Variants in ERCC6L2 observed in about 807,000 individuals in gnomAD.
ERCC6L2 encodes ERCC excision repair 6 like 2, also known as DNA excision repair protein ERCC-6-like 2.
A neutral mutation model predicts 132.0 loss-of-function variants in ERCC6L2; 77 were observed. The observed-to-expected ratio is 0.58, with a 90% CI of 0.49 to 0.71. The LOEUF (loss-of-function observed/expected upper bound fraction) is 0.71. Among genes scored for constraint, ERCC6L2 ranks in the 30% least tolerant of loss-of-function variants. The probability of loss-of-function intolerance (pLI) is 0.00; values close to 1 mark genes in which losing one functional copy is unlikely to be tolerated. For missense variants in ERCC6L2, 1,542 were observed against 1,837.6 expected (o/e 0.84, Z 2.94); for synonymous variants, 583 against 632.4 (o/e 0.92, Z 1.17).
At chr9:95,877,062 C>T (rs1224220901) in intron 1 of ERCC6L2, 1 of 152,160 alleles carries the variant, frequency 6.6e-6, no homozygotes, top group Non-Finnish European at 1.5e-5. Context: ...TTGAGGAGGC[C>T]TTTGGAGTGA....
intron 3 of ERCC6L2, among the ~76,000 whole-genome samples, chr9:95,905,397 C>A (rs972677931): frequency 1.3e-5 from 2 of 152,156 alleles, no homozygotes; most frequent in African/African-American, 2.4e-5. Flanking sequence ...TTTTAAACAT[C>A]TTCTGGAATC....
At chr9:95,892,879 C>G (rs575375341) in intron 2 of ERCC6L2, among the ~76,000 whole-genome samples, 53 of 152,250 alleles carry the variant, frequency 3.5e-4, no homozygotes, top group Non-Finnish European at 7.1e-4. Flanking sequence ...TTTATTCATT[C>G]TGACAATCTC....
intron 6 of ERCC6L2, among the ~76,000 whole-genome samples, chr9:95,919,902 C>A (rs1213859749): frequency 6.6e-6 from 1 of 152,138 alleles, no homozygotes; most frequent in Admixed American, 6.5e-5. Flanking sequence ...TGACTTGATG[C>A]AGATAAGTGC....
chr9:95,896,653 G>C (rs1828482677), intron 2 of ERCC6L2, among the ~76,000 whole-genome samples: 1 of 151,874 alleles, frequency 6.6e-6, no homozygotes, highest in South Asian at 2.1e-4. Flanking sequence ...CAAATTCCTG[G>C]GCTAAAATGA....
intron 4 of ERCC6L2, among the ~76,000 whole-genome samples, chr9:95,909,942 T>C (rs879387908): frequency 3.3e-5 from 5 of 152,202 alleles, no homozygotes; most frequent in Non-Finnish European, 7.4e-5. Flanking sequence ...CAACGTTTGG[T>C]ATTGTCAGTC....
At chr9:95,907,019 A>G (rs1829072278) in intron 3 of ERCC6L2, 59 bp from the exon 4 acceptor site, 2 of 1,208,990 alleles carry the variant, frequency 1.7e-6, no homozygotes, top group Admixed American at 4.4e-5. Context: ...TGTGGATTTC[A>G]CTTTGGGATT....
downstream of ERCC6L2, among the ~76,000 whole-genome samples, chr9:96,019,369 G>T (rs550087702): frequency 6.6e-6 from 1 of 152,140 alleles, no homozygotes; most frequent in South Asian, 2.1e-4. Flanking sequence ...CCCAGCACCC[G>T]CATTGTGCTC....
chr9:95,937,509 A>G (rs950590418), intron 11 of ERCC6L2, among the ~76,000 whole-genome samples: 1 of 152,108 alleles, frequency 6.6e-6, no homozygotes, highest in Non-Finnish European at 1.5e-5. Context: ...TGAAAATAAC[A>G]TACTCAATTT....
At chr9:96,027,022 TACCCCACACACATACCCACC>T (rs1467170827) in intron 19 of ERCC6L2, among the ~76,000 whole-genome samples, 1 of 72,514 alleles carries the variant, frequency 1.4e-5, no homozygotes, top group South Asian at 4.7e-4. Context: ...ACACACCACA[TACCCCACACACATACCCACC>T]ACCCCACACA....
intron 12 of ERCC6L2, among the ~76,000 whole-genome samples, chr9:95,943,734 C>G (rs4743417): frequency 0.16 from 24,415 of 152,122 alleles, 2,087 homozygotes; most frequent in South Asian, 0.28. Flanking sequence ...TATAAGTGGC[C>G]ATTAAGCACA....
chr9:95,963,363 G>A (rs1430817093), intron 13 of ERCC6L2, among the ~76,000 whole-genome samples: 1 of 151,802 alleles, frequency 6.6e-6, no homozygotes, highest in African/African-American at 2.4e-5. Context: ...CTTCTCATCA[G>A]TATGTATTTC....
intron 3 of ERCC6L2, among the ~76,000 whole-genome samples, chr9:95,903,595 T>C (rs548601501): frequency 6.6e-6 from 1 of 151,826 alleles, no homozygotes; most frequent in South Asian, 2.1e-4. Flanking sequence ...TATCAAGTTT[T>C]GGCATAATGC....
In ERCC6L2 at chr9:95,972,929, C is replaced by T; in HGVS notation, c.3178C>T (p.His1060Tyr). 1 of 1,307,218 alleles carries T rather than the reference C, an allele frequency of 7.6e-7. No homozygotes were observed. Among genetic ancestry groups the T allele is most frequent in the Non-Finnish European group, 1.0e-6 (1 of 989,852 alleles). The allele number at this position is 1,307,218 out of a possible 1,614,324, so 81.0% of individuals were successfully genotyped here. ...VSHFSFSKQS[H>Y]RPRTIRDRTS... ...CCACTTCAGTTTCTCTAAACAGAGC[C>T]ACAGACCAAGAACTATAAGAGACAG... The change falls in exon 16 of 19, where the codon CAC becomes TAC. Residue 1060 changes from histidine to tyrosine, a missense_variant. Physicochemically the swap from His to Tyr is moderately conservative, Grantham distance 83 (BLOSUM62 2). This residue lies in a region of ERCC6L2 where 945 missense variants were observed against 1,105.2 expected (regional missense o/e 0.86). Coordinates refer to ENST00000653738, the MANE Select transcript of ERCC6L2 (RefSeq NM_020207.7).
At position 95,923,280 on chromosome 9, in the gene ERCC6L2, A is replaced by G. The variant is rs756579826; in HGVS notation, c.1434A>G (p.Ile478Met). The G allele has an allele frequency of 6.2e-7, 1 of 1,613,718 alleles. No homozygotes were observed. The highest frequency in any genetic ancestry group is 1.1e-5 in the South Asian group (1 of 91,064). ...TCAAGGAAACACTTATCAAAAGGAT[A>G]TGTGATCAGGTATTTTCCAGATTCC... ...SKQQETLIKR[I>M]CDQVFSRFPD... Residue 478 changes from isoleucine (I) to methionine (M), a missense_variant, in exon 9 of 19, where the codon ATA becomes ATG. Ile to Met is a conservative substitution (Grantham distance 10). Transcript: ENST00000653738.
chr9:95,921,572 T>C (rs144312124), intron 7 of ERCC6L2, among the ~76,000 whole-genome samples: 53 of 152,364 alleles, frequency 3.5e-4, no homozygotes, highest in African/African-American at 1.3e-3. Flanking sequence ...TAGCTTTTCT[T>C]GGGAAGTATC....
intron 12 of ERCC6L2, among the ~76,000 whole-genome samples, chr9:95,949,676 C>G (rs1831238205): frequency 6.6e-6 from 1 of 152,046 alleles, no homozygotes; most frequent in Non-Finnish European, 1.5e-5. Context: ...TGCAGACAGA[C>G]AAAAGCTTGA....
At position 95,928,809 on chromosome 9, in the gene ERCC6L2, A is replaced by G. The variant is rs1207871354; in HGVS notation, c.1696A>G (p.Ile566Val). The stretch of plus-strand genomic sequence containing the variant: ...TACAAAATCAGAGGAAAGACTCAAG[A>G]TTGTAAAAGAGTTCAACAGTACACA... Reference protein sequence around the residue: ...GSTKSEERLKIVKEFNSTQDV... With the variant: ...GSTKSEERLKVVKEFNSTQDV... The change falls in exon 11 of 19, where the codon ATT (isoleucine) becomes GTT (valine). Residue 566 changes from isoleucine to valine, a missense_variant. Ile to Val is a conservative substitution (Grantham distance 29, BLOSUM62 3). Around this residue, in one of 4 missense-constraint regions of ERCC6L2, gnomAD observed 945 missense variants for 1,105.2 expected, o/e 0.86. Transcript: ENST00000653738. The G allele has an allele frequency of 4.3e-6, 7 of 1,612,898 alleles. No individual in the cohort carries two copies. In the South Asian group the frequency reaches 7.7e-5, roughly 18 times the overall value.
downstream of ERCC6L2, chr9:96,021,415 G>T (rs1241822266): frequency 4.0e-6 from 1 of 252,348 alleles, no homozygotes; most frequent in Non-Finnish European, 7.7e-6. This position sits in a 1 kb window ranked among gnomAD's most constrained non-coding sequence, Gnocchi z 4.7. Context: ...GCGGTCCTGG[G>T]GGCTGCTTCC....
At chr9:95,885,870 A>G (rs1016784521) in intron 2 of ERCC6L2, among the ~76,000 whole-genome samples, 2 of 152,214 alleles carry the variant, frequency 1.3e-5, no homozygotes, top group African/African-American at 2.4e-5. Context: ...CAGATGCTTC[A>G]GGTAATTCCA....
Sources: allele counts gnomAD v4.1 joint callset (sites outside exome capture counted in the v4.1 genomes callset), GRCh38; gene constraint gnomAD v4.1.1; regional missense constraint gnomAD v4.1.1; non-coding constraint Gnocchi (gnomAD v3.1); transcripts MANE v1.5; gene names NCBI Gene and HGNC (gene_info 2026-07-23, HGNC 2026-07-21).